The following PPL variants were observed in gnomAD, a reference collection of about 807,000 sequenced individuals.
PPL encodes 190 kDa paraneoplastic pemphigus antigen.
PPL carries 198 observed loss-of-function variants against 194.4 expected under a neutral mutation model. That is an observed-to-expected ratio of 1.02 (90% CI 0.91 to 1.15). The LOEUF is 1.15. Among genes scored for constraint, PPL ranks in the 50% most tolerant of loss-of-function variants. The pLI, the probability that PPL is intolerant of heterozygous loss-of-function variation, is 0.00. For missense variants in PPL, 2,885 were observed against 2,294.8 expected (o/e 1.26, Z -5.25); for synonymous variants, 1,220 against 972.4 (o/e 1.25, Z -4.74).
At chr16:4,907,079 TAAAAAAAA>T (rs57847738) in intron 2 of PPL, among the ~76,000 whole-genome samples, 2 of 77,004 alleles carry the variant, frequency 2.6e-5, no homozygotes, top group African/African-American at 5.2e-5. Flanking sequence ...ACCCTATCTC[TAAAAAAAA>T]AAAAAAAAAA....
At position 4,917,003 on chromosome 16, in the gene PPL, G is replaced by A. The variant is rs140266109; in HGVS notation, c.63-6054C>T. On this transcript the variant is annotated intron_variant, in intron 1 of 21. Coordinates refer to ENST00000345988, the MANE Select transcript of PPL (RefSeq NM_002705.5). ...AAAAATTAGCTGGGCGTGGTGGTAT[G>A]TGCCTGTAATCCCATCTATTCGGGA... is the stretch of plus-strand genomic sequence containing the variant. 3.9e-5 allele frequency among the ~76,000 whole-genome samples: 6 copies of A among 152,210 alleles called. No individual in the cohort carries two copies. In the East Asian group the frequency reaches 7.8e-4, roughly 20 times the overall value.
intron 2 of PPL, among the ~76,000 whole-genome samples, chr16:4,907,921 C>T (rs763859207): frequency 9.3e-5 from 14 of 151,114 alleles, no homozygotes; most frequent in African/African-American, 1.5e-4. Context: ...TTTGGGAGGC[C>T]GAGGTGGGCA....
At chr16:4,926,422 A>G (rs1418421595) in intron 1 of PPL, among the ~76,000 whole-genome samples, 1 of 152,196 alleles carries the variant, frequency 6.6e-6, no homozygotes, top group African/African-American at 2.4e-5. Flanking sequence ...GCTATAAAAT[A>G]CCTGCTCAAT....
At chr16:4,900,200 T>C (rs1422933048) in intron 6 of PPL, among the ~76,000 whole-genome samples, 1 of 152,162 alleles carries the variant, frequency 6.6e-6, no homozygotes, top group African/African-American at 2.4e-5. Flanking sequence ...TTTAAAAGAA[T>C]GCATTCTTTA....
At chr16:4,895,740 A>G (rs761372306) in intron 9 of PPL, 24 bp from the exon 10 acceptor site, 1 of 1,613,492 alleles carries the variant, frequency 6.2e-7, no homozygotes, top group South Asian at 1.1e-5. Context: ...TGGCTCTGTT[A>G]CAGCCAGGAA....
rs763916509 is a variant in PPL, at chr16:4,891,826, C to G, written c.1953G>C (p.Lys651Asn). Reference protein sequence around the residue: ...VPESSRVLDSKGQELAAMACE... With the variant: ...VPESSRVLDSNGQELAAMACE... ...CTAGACTCACCGCCAGCTCCTGCCC[C>G]TTGCTGTCCAGGACACGGCTGCTCT... The change falls in exon 16 of 22, where the codon AAG becomes AAC. Residue 651 changes from lysine to asparagine, a missense_variant. By Grantham distance (94) the Lys-to-Asn change is moderately conservative. Transcript: ENST00000345988. 1 of 1,612,054 alleles carries G rather than the reference C, an allele frequency of 6.2e-7. No individual in the cohort carries two copies. Among genetic ancestry groups the G allele is most frequent in the East Asian group, 2.2e-5 (1 of 44,894 alleles).
In PPL at chr16:4,883,559, G is replaced by A; in HGVS notation, c.5096C>T (p.Ser1699Leu). Residue 1699 changes from serine to leucine, a missense_variant, in exon 22 of 22, where the codon TCA becomes TTA. Ser to Leu is a moderately radical substitution (Grantham distance 145). Transcript: ENST00000345988. The surrounding 1 kb of genome is among the most constrained non-coding windows in gnomAD (Gnocchi z 4.8). The stretch of plus-strand genomic sequence containing the variant: ...GGACTCCCCATTGGGACCCTTCACT[G>A]AGATCTCCTCCCAGTCGCACTCCTG... ...RSQECDWEEI[S>L]VKGPNGESSV... The A allele has an allele frequency of 1.9e-6, 3 of 1,614,156 alleles. No individual in the cohort carries two copies. Among genetic ancestry groups the A allele is most frequent in the Non-Finnish European group, 2.5e-6 (3 of 1,180,020 alleles).
At chr16:4,901,194 T>C in intron 4 of PPL, 105 bp from the exon 5 acceptor site, 1 of 1,303,250 alleles carries the variant, frequency 7.7e-7, no homozygotes, top group East Asian at 2.5e-5. Context: ...GCTCTCTTTT[T>C]CACGGGGCCC....
intron 19 of PPL, 176 bp downstream of exon 19, chr16:4,888,802 C>T (rs1428734180): frequency 3.0e-6 from 2 of 673,814 alleles, no homozygotes; most frequent in African/African-American, 1.8e-5. Context: ...CATTCCATGT[C>T]TAGTACCATG....
chr16:4,897,905 G>T, intron 8 of PPL, 135 bp from the exon 9 acceptor site: 6 of 665,020 alleles, frequency 9.0e-6, no homozygotes, highest in Middle Eastern at 4.1e-4. Context: ...GCTACCACAG[G>T]GGTAGCCAGC....
At chr16:4,934,474 CAT>C (rs2089267188) in intron 1 of PPL, among the ~76,000 whole-genome samples, 1 of 152,080 alleles carries the variant, frequency 6.6e-6, no homozygotes, top group South Asian at 2.1e-4. Context: ...CAGCCCTATG[CAT>C]GAGACACTCA....
chr16:4,923,599 C>T (rs2089096875), intron 1 of PPL, among the ~76,000 whole-genome samples: 2 of 152,162 alleles, frequency 1.3e-5, no homozygotes, highest in Non-Finnish European at 2.9e-5. Flanking sequence ...TTCTTTCTAC[C>T]CTGCCTGCAG....
intron 1 of PPL, among the ~76,000 whole-genome samples, chr16:4,924,345 C>T (rs945745931): frequency 1.3e-5 from 2 of 152,160 alleles, no homozygotes; most frequent in Non-Finnish European, 2.9e-5. Flanking sequence ...CATACGTGCA[C>T]AGCCCATGTC....
Position 4,883,659 on chromosome 16 carries a change from CTG to C in PPL, c.4994_4995del (p.Thr1665ArgfsTer16). The C allele has an allele frequency of 6.2e-7, 1 of 1,614,150 alleles. No individual in the cohort carries two copies. The highest frequency in any genetic ancestry group is 8.5e-7 in the Non-Finnish European group (1 of 1,180,016). ...GCTTCCTCCGGGGACAGCTCGCGGCCTGTGTCAGGGTGGATGACTACGATGGA... is the reference window on the plus strand; with the variant it reads ...GCTTCCTCCGGGGACAGCTCGCGGCCTGTCAGGGTGGATGACTACGATGGA... Reference protein sequence around the residue: ...RRSIVVIHPDTGRELSPEEAH... With the variant: ...RRSIVVIHPDXGRELSPEEAH... On this transcript the variant is annotated frameshift_variant, in exon 22 of 22. Coordinates refer to ENST00000345988, the MANE Select transcript of PPL (RefSeq NM_002705.5). LOFTEE classifies it high-confidence loss of function. The surrounding 1 kb of genome is among the most constrained non-coding windows in gnomAD (Gnocchi z 4.8).
Position 4,894,541 on chromosome 16 carries a change from C to G in PPL, c.1320G>C (p.Gly440=), listed in dbSNP as rs200707643. The G allele has an allele frequency of 8.3e-5, 134 of 1,613,796 alleles. No homozygotes were observed. In the African/African-American group the frequency reaches 1.4e-3, roughly 17 times the overall value. Residue 440 remains glycine, a synonymous_variant, in exon 12 of 22, where the codon GGG becomes GGC. Coordinates refer to ENST00000345988, the MANE Select transcript of PPL (RefSeq NM_002705.5). ...GESWELMDSA[G]NKLIAPAVCF... ...ACACGGCCGGAGCAATCAGCTTGTT[C>G]CCAGCGCTGTCCATGAGCTCCCAGC...
Position 4,895,277 on chromosome 16 carries a change from TCA to T in PPL, c.1224_1225del (p.Cys408Ter), listed in dbSNP as rs1220116482. 3 of 1,608,142 alleles carry T rather than the reference TCA, an allele frequency of 1.9e-6. No individual in the cohort carries two copies. The highest frequency in any genetic ancestry group is 2.7e-5 in the African/African-American group (2 of 74,696). ...CCCACGCACCTGCTCCCCCTCAAAG[TCA>T]CAGAGTGCCTCCACGGGGATGGGCT... On this transcript the variant is annotated stop_gained and frameshift_variant, in exon 11 of 22. Transcript: ENST00000345988. LOFTEE classifies it high-confidence loss of function.
In PPL at chr16:4,910,937, C is replaced by G. The variant is rs996037717; in HGVS notation, c.75G>C (p.Lys25Asn). 5 of 1,612,748 alleles carry G rather than the reference C, an allele frequency of 3.1e-6. No homozygotes were observed. The Admixed American group carries it at 8.3e-5, about 27-fold the overall frequency. The part of the protein sequence containing the change: ...PTVQTRSISN[K>N]ELSELIEQLQ... ...GCTGCTCGATCAGCTCCGAGAGCTC[C>G]TTGTTAGAGATGCTGCGGGCAGAAG... The change falls in exon 2 of 22, where the codon AAG (lysine) becomes AAC (asparagine). Residue 25 changes from lysine to asparagine, a missense_variant. Lys to Asn is a moderately conservative substitution (Grantham distance 94). Transcript: ENST00000345988.
intron 1 of PPL, 45 bp downstream of exon 1, chr16:4,936,939 C>G (rs572413310): frequency 1.3e-6 from 2 of 1,558,584 alleles, no homozygotes; most frequent in South Asian, 1.1e-5. Flanking sequence ...TGTGCGCCCA[C>G]AGGGGCAAGA....
rs147086505 is a variant in PPL, at chr16:4,906,167, G to A, written c.163-2127C>T. 2.0e-3 allele frequency among the ~76,000 whole-genome samples: 298 copies of A among 152,240 alleles called. 2 individuals carry two copies. Among genetic ancestry groups the A allele is most frequent in the African/African-American group, 6.8e-3 (284 of 41,556 alleles). On this transcript the variant is annotated intron_variant, in intron 2 of 21. Transcript: ENST00000345988. ...CATCCCCCAACCCTGGGGTAGGCTG[G>A]CCCGTTAATTACAACAAAACATCAG...
Sources: gnomAD v4.1 joint callset for allele counts (sites outside exome capture counted in the v4.1 genomes callset) on GRCh38, gnomAD v4.1.1 for gene constraint, Gnocchi (gnomAD v3.1) non-coding constraint, MANE v1.5 for transcripts, NCBI Gene and HGNC (gene_info 2026-07-23, HGNC 2026-07-21) for gene names.